The following KCNH5 variants were observed in gnomAD, a reference collection of about 807,000 sequenced individuals.
The protein encoded by KCNH5 is voltage-gated delayed rectifier potassium channel KCNH5.
KCNH5 carries 46 observed loss-of-function variants against 96.1 expected under a neutral mutation model. The observed-to-expected ratio is 0.48, with a 90% confidence interval of 0.38 to 0.61. The LOEUF is 0.61. Ranked by LOEUF, KCNH5 falls within the 20% of genes least tolerant of loss-of-function variation. The pLI is 0.00. For synonymous variants in KCNH5, 439 were observed against 449.8 expected (o/e 0.98, Z 0.30); for missense variants, 907 against 1,225.8 (o/e 0.74, Z 3.88).
intron 7 of KCNH5, among the ~76,000 whole-genome samples, chr14:62,901,343 T>C (rs1397974516): frequency 1.3e-5 from 2 of 152,078 alleles, no homozygotes; most frequent in Non-Finnish European, 2.9e-5. Context: ...ATACCGAGGA[T>C]AGTACACAAT....
chr14:62,777,121 A>T (rs904163798), intron 10 of KCNH5, among the ~76,000 whole-genome samples: 3 of 152,262 alleles, frequency 2.0e-5, no homozygotes, highest in African/African-American at 7.2e-5. Flanking sequence ...ATAAGAACAA[A>T]ATGTTTTCAT....
intron 4 of KCNH5, 40 bp downstream of exon 4, chr14:63,001,291 C>A: frequency 6.5e-7 from 1 of 1,544,096 alleles, no homozygotes; most frequent in Non-Finnish European, 8.8e-7. Context: ...CTTTTAGCAA[C>A]AGCCTAATTT....
At chr14:62,730,626 G>C (rs1885028869) in intron 10 of KCNH5, among the ~76,000 whole-genome samples, 1 of 152,180 alleles carries the variant, frequency 6.6e-6, no homozygotes, top group Non-Finnish European at 1.5e-5. Context: ...GCAGAAGCAA[G>C]AAACCTCTTT....
chr14:62,816,134 A>G (rs532477784), intron 8 of KCNH5, among the ~76,000 whole-genome samples: 61 of 152,092 alleles, frequency 4.0e-4, no homozygotes, highest in African/African-American at 1.4e-3. Context: ...AATAACAGCT[A>G]CAAAGTTATC....
At chr14:62,978,367 C>A (rs1040270614) in intron 6 of KCNH5, among the ~76,000 whole-genome samples, 1 of 152,160 alleles carries the variant, frequency 6.6e-6, no homozygotes, top group Non-Finnish European at 1.5e-5. Flanking sequence ...GAGCGGTGTG[C>A]CTACTTAGCT....
intron 10 of KCNH5, among the ~76,000 whole-genome samples, chr14:62,734,594 A>G (rs747949965): frequency 1.4e-4 from 22 of 151,940 alleles, no homozygotes; most frequent in Non-Finnish European, 3.1e-4. Flanking sequence ...ATCCCCACAT[A>G]CACTAGCATT....
At chr14:62,727,164 A>C (rs1172273199) in intron 10 of KCNH5, among the ~76,000 whole-genome samples, 1 of 152,134 alleles carries the variant, frequency 6.6e-6, no homozygotes, top group East Asian at 1.9e-4. Context: ...CAGGAGTTTG[A>C]GACCAGTCTG....
chr14:62,898,367 T>A (rs1027799257), intron 7 of KCNH5, among the ~76,000 whole-genome samples: 2 of 152,178 alleles, frequency 1.3e-5, no homozygotes, highest in Admixed American at 1.3e-4. Flanking sequence ...CATTAGACTA[T>A]GTTAAGCATA....
intron 7 of KCNH5, among the ~76,000 whole-genome samples, chr14:62,918,184 G>A (rs1188469036): frequency 6.6e-6 from 1 of 152,130 alleles, no homozygotes; most frequent in African/African-American, 2.4e-5. Flanking sequence ...AATTAAATAA[G>A]AAAGTGTTTG....
At chr14:62,903,929 A>G (rs950638384) in intron 7 of KCNH5, among the ~76,000 whole-genome samples, 1 of 151,928 alleles carries the variant, frequency 6.6e-6, no homozygotes, top group Admixed American at 6.6e-5. Context: ...TTCAGAAAAT[A>G]TTTTAGTGAG....
At chr14:62,751,329 T>C (rs368082650) in intron 10 of KCNH5, among the ~76,000 whole-genome samples, 63 of 152,250 alleles carry the variant, frequency 4.1e-4, no homozygotes, top group Non-Finnish European at 7.8e-4. Flanking sequence ...GAGAGGCCCA[T>C]TATAATGGGT....
At chr14:62,844,763 G>A (rs112673771) in intron 8 of KCNH5, among the ~76,000 whole-genome samples, 1 of 152,170 alleles carries the variant, frequency 6.6e-6, no homozygotes, top group Admixed American at 6.5e-5. Flanking sequence ...CATCAGTACA[G>A]ATTTTAATGC....
chr14:62,920,785 C>T (rs1445035460), intron 7 of KCNH5, among the ~76,000 whole-genome samples: 1 of 151,958 alleles, frequency 6.6e-6, no homozygotes, highest in Non-Finnish European at 1.5e-5. Flanking sequence ...TGAATTTACA[C>T]AATAAGGAAA....
Position 62,707,676 on chromosome 14 carries a change from C to T in KCNH5, c.2799G>A (p.Lys933=). 6.3e-7 allele frequency: 1 copy of T among 1,589,514 alleles called. No individual in the cohort carries two copies. The highest frequency in any genetic ancestry group is 8.6e-7 in the Non-Finnish European group (1 of 1,163,396). Residue 933 remains lysine (K), a synonymous_variant, in exon 11 of 11, where the codon AAG becomes AAA. Coordinates refer to ENST00000322893, the MANE Select transcript of KCNH5 (RefSeq NM_139318.5). ...LLSCRMTALE[K]QVAEILKILS... is the part of the protein sequence containing the mutation. ...GTATTTTTAAAATTTCTGCCACCTG[C>T]TTTTCTAGGGCAGTCATTCTGCAGC... is the stretch of plus-strand genomic sequence containing the variant.
At chr14:63,045,011 C>T (rs1024567619) in intron 1 of KCNH5, 103 bp downstream of exon 1, 1 of 952,658 alleles carries the variant, frequency 1.0e-6, no homozygotes, top group Non-Finnish European at 1.7e-6. Context: ...GTAAGGCTGC[C>T]TGCATCCTCC....
intron 8 of KCNH5, among the ~76,000 whole-genome samples, chr14:62,813,764 C>T (rs1358358089): frequency 6.6e-6 from 1 of 152,160 alleles, no homozygotes; most frequent in Non-Finnish European, 1.5e-5. Flanking sequence ...AGGCAAGTGA[C>T]ATTTGCACAT....
intron 6 of KCNH5, among the ~76,000 whole-genome samples, chr14:62,957,869 A>G (rs980886884): frequency 3.3e-5 from 5 of 152,330 alleles, no homozygotes; most frequent in South Asian, 4.1e-4. Flanking sequence ...GATAAGCCAA[A>G]CCTAGCCTAA....
Position 63,013,157 on chromosome 14 carries a change from AG to A in KCNH5, c.197+3673del, listed in dbSNP as rs1176048172. On this transcript the variant is annotated intron_variant, in intron 2 of 10. Transcript: ENST00000322893. ...GAAAAAAGATAAGAAAACAGAAGAA[AG>A]AAATATTAGCCTCTTGATATTATAA... Among the ~76,000 whole-genome samples, 3 of 151,938 alleles carry A rather than the reference AG, an allele frequency of 2.0e-5. No homozygotes were observed. In the South Asian group the frequency reaches 6.2e-4, roughly 32 times the overall value.
intron 5 of KCNH5, among the ~76,000 whole-genome samples, chr14:62,983,377 C>CA (rs531608089): frequency 0.11 from 11,219 of 99,064 alleles, 462 homozygotes; most frequent in Non-Finnish European, 0.13. Context: ...GACTCAGTCT[C>CA]AAAAAAAAAA....
Sources: gnomAD v4.1 joint callset for allele counts (sites outside exome capture counted in the v4.1 genomes callset) on GRCh38, gnomAD v4.1.1 for gene constraint, MANE v1.5 for transcripts, NCBI Gene and HGNC (gene_info 2026-07-23, HGNC 2026-07-21) for gene names.